The following PDE7B variants were observed in gnomAD, a reference collection of about 807,000 sequenced individuals.
The protein encoded by PDE7B is phosphodiesterase 7B, also known as 3',5'-cyclic-AMP phosphodiesterase 7B.
In PDE7B, 29 loss-of-function variants were observed where a neutral mutation model predicts 56.2. That is an observed-to-expected ratio of 0.52 (90% confidence interval 0.38 to 0.70). The LOEUF is 0.70. Among genes scored for constraint, PDE7B ranks in the 30% least tolerant of loss-of-function variants. PDE7B has a pLI of 0.00. For synonymous variants in PDE7B, 197 were observed against 196.9 expected (o/e 1.00, Z 0.00); for missense variants, 490 against 565.0 (o/e 0.87, Z 1.35).
intron 9 of PDE7B, among the ~76,000 whole-genome samples, chr6:136,177,728 A>G (rs1013829549): frequency 6.6e-6 from 1 of 152,242 alleles, no homozygotes; most frequent in Admixed American, 6.5e-5. Context: ...TAGTAAATTG[A>G]AGATAAACAT....
intron 2 of PDE7B, among the ~76,000 whole-genome samples, chr6:135,981,044 A>G (rs1406829350): frequency 1.3e-5 from 2 of 149,060 alleles, no homozygotes; most frequent in African/African-American, 4.9e-5. Context: ...CAAATGTCCA[A>G]CAATGATAGA....
At chr6:135,902,275 G>A (rs1363872696) in intron 1 of PDE7B, among the ~76,000 whole-genome samples, 4 of 151,662 alleles carry the variant, frequency 2.6e-5, no homozygotes, top group East Asian at 3.9e-4. Flanking sequence ...TCCAAGTGAC[G>A]TCAATGGAAG....
chr6:136,164,817 T>C (rs1778767146), intron 8 of PDE7B, among the ~76,000 whole-genome samples: 1 of 152,182 alleles, frequency 6.6e-6, no homozygotes, highest in South Asian at 2.1e-4. Context: ...GGAAAAGAAT[T>C]TAATATTTCT....
intron 3 of PDE7B, among the ~76,000 whole-genome samples, chr6:136,113,674 G>T (rs1294233839): frequency 6.6e-6 from 1 of 152,190 alleles, no homozygotes; most frequent in Non-Finnish European, 1.5e-5. Context: ...TCCCAATGTC[G>T]ATTTCCTATA....
At chr6:135,881,145 G>T (rs2128188742) in intron 1 of PDE7B, among the ~76,000 whole-genome samples, 1 of 152,076 alleles carries the variant, frequency 6.6e-6, no homozygotes, top group South Asian at 2.1e-4. Context: ...GTTGTATGAG[G>T]CTACATGGGA....
At chr6:136,155,326 A>C (rs975477515) in intron 7 of PDE7B, among the ~76,000 whole-genome samples, 10 of 152,230 alleles carry the variant, frequency 6.6e-5, no homozygotes, top group Non-Finnish European at 1.5e-4. Context: ...TCCACCCAAC[A>C]GCACTGTTGC....
chr6:136,101,034 G>A (rs1777552510), intron 2 of PDE7B, among the ~76,000 whole-genome samples: 1 of 152,150 alleles, frequency 6.6e-6, no homozygotes, highest in South Asian at 2.1e-4. Flanking sequence ...TGTGGTTTTT[G>A]TTGTTGGTTC....
chr6:136,102,066 C>G (rs1400935812), intron 2 of PDE7B, among the ~76,000 whole-genome samples: 1 of 152,168 alleles, frequency 6.6e-6, no homozygotes, highest in Non-Finnish European at 1.5e-5. Flanking sequence ...CTTTAGAGAG[C>G]AAGGGCTCCC....
chr6:136,158,223 A>G (rs558097317), intron 8 of PDE7B, among the ~76,000 whole-genome samples: 32 of 152,330 alleles, frequency 2.1e-4, no homozygotes, highest in African/African-American at 7.5e-4. Context: ...AGCTATTTGC[A>G]AATTTTCATA....
At chr6:135,964,536 A>G (rs1562454322) in intron 2 of PDE7B, among the ~76,000 whole-genome samples, 1 of 152,192 alleles carries the variant, frequency 6.6e-6, no homozygotes, top group African/African-American at 2.4e-5. Context: ...ACAGTCATAT[A>G]CTAGGATTTC....
intron 2 of PDE7B, among the ~76,000 whole-genome samples, chr6:135,980,788 G>A (rs1583809371): frequency 7.3e-6 from 1 of 136,986 alleles, no homozygotes; most frequent in East Asian, 2.2e-4. Context: ...GAAACAACAG[G>A]TGCTGGAGAG....
intron 1 of PDE7B, among the ~76,000 whole-genome samples, chr6:135,908,879 C>G (rs914406019): frequency 1.3e-5 from 2 of 152,182 alleles, no homozygotes; most frequent in African/African-American, 4.8e-5. Flanking sequence ...GTAGAAAAGT[C>G]TGTTATAGTA....
chr6:135,928,828 C>G (rs1246467243), intron 1 of PDE7B, among the ~76,000 whole-genome samples: 1 of 151,816 alleles, frequency 6.6e-6, no homozygotes, highest in African/African-American at 2.4e-5. Context: ...GTGGGAGAGG[C>G]AGTGTGGGTT....
At chr6:135,977,472 A>G (rs945269521) in intron 2 of PDE7B, among the ~76,000 whole-genome samples, 10 of 152,178 alleles carry the variant, frequency 6.6e-5, no homozygotes, top group African/African-American at 1.9e-4. Context: ...CTTGGCATTA[A>G]GGACACTGCC....
At chr6:136,079,963 T>C (rs1262541505) in intron 2 of PDE7B, among the ~76,000 whole-genome samples, 1 of 151,694 alleles carries the variant, frequency 6.6e-6, no homozygotes, top group Non-Finnish European at 1.5e-5. Flanking sequence ...AGAAAATAAA[T>C]AAAACAAGGA....
At chr6:136,059,074 A>C (rs1776790243) in intron 2 of PDE7B, among the ~76,000 whole-genome samples, 1 of 152,170 alleles carries the variant, frequency 6.6e-6, no homozygotes, top group Non-Finnish European at 1.5e-5. Flanking sequence ...TTGACAGGTC[A>C]AGTTGACCTG....
chr6:136,022,794 G>T (rs1434672093), intron 2 of PDE7B, among the ~76,000 whole-genome samples: 1 of 152,178 alleles, frequency 6.6e-6, no homozygotes, highest in East Asian at 1.9e-4. Flanking sequence ...TGCACAAAAT[G>T]GTATCCCTTC....
Position 135,866,688 on chromosome 6 carries a change from C to A in PDE7B, c.21+14669C>A, listed in dbSNP as rs539568398. 2.6e-5 allele frequency among the ~76,000 whole-genome samples: 4 copies of A among 152,262 alleles called. No individual in the cohort carries two copies. The East Asian group carries it at 7.7e-4, about 29-fold the overall frequency. On this transcript the variant is annotated intron_variant, in intron 1 of 12. Transcript: ENST00000308191. ...GCTGATATAAATTAGCTAAAATTAGCTCATAGCAACTTTCTTCATTATCTA... is the reference window on the plus strand; with the variant it reads ...GCTGATATAAATTAGCTAAAATTAGATCATAGCAACTTTCTTCATTATCTA...
At chr6:135,997,345 T>G (rs944308737) in intron 2 of PDE7B, among the ~76,000 whole-genome samples, 1 of 128,584 alleles carries the variant, frequency 7.8e-6, no homozygotes, top group South Asian at 2.5e-4. Context: ...GCCTGGAAGG[T>G]CAAGGCTGCA....
Sources: allele counts gnomAD v4.1 joint callset (sites outside exome capture counted in the v4.1 genomes callset), GRCh38; gene constraint gnomAD v4.1.1; transcripts MANE v1.5; gene names NCBI Gene and HGNC (gene_info 2026-07-23, HGNC 2026-07-21).